Variants in TNR observed in about 807,000 individuals in gnomAD.
TNR encodes tenascin R.
Under a neutral mutation model 150.4 loss-of-function variants are expected in TNR, and 45 were observed. The observed-to-expected ratio is 0.30, with a 90% CI of 0.24 to 0.38. The LOEUF (loss-of-function observed/expected upper bound fraction) is 0.38, where lower values mean the gene tolerates loss of function less well. Among genes scored for constraint, TNR ranks in the 10% least tolerant of loss-of-function variants. The pLI, the probability that TNR is intolerant of heterozygous loss-of-function variation, is 1.00. For missense variants in TNR, 1,544 were observed against 1,759.1 expected (o/e 0.88, Z 2.19); for synonymous variants, 687 against 678.4 (o/e 1.01, Z -0.20).
At chr1:175,660,656 C>T (rs1368332683) in intron 1 of TNR, among the ~76,000 whole-genome samples, 1 of 152,202 alleles carries the variant, frequency 6.6e-6, no homozygotes, top group Non-Finnish European at 1.5e-5. Context: ...CCAGAATTAT[C>T]ACAGACATTG....
chr1:175,325,193 TA>T (rs1649300434), intron 21 of TNR, among the ~76,000 whole-genome samples: 2 of 152,182 alleles, frequency 1.3e-5, no homozygotes, highest in South Asian at 4.2e-4. Context: ...AAAAATTAAA[TA>T]AATTCTGTGG....
chr1:175,524,865 G>T (rs1000353388), intron 2 of TNR, among the ~76,000 whole-genome samples: 1 of 152,196 alleles, frequency 6.6e-6, no homozygotes. Context: ...CTTAATGAAA[G>T]CCTTGTCACA....
Position 175,396,064 on chromosome 1 carries a change from C to T in TNR, c.1240+480G>A, listed in dbSNP as rs550325975. Among the ~76,000 whole-genome samples the T allele has an allele frequency of 5.3e-5, 8 of 152,312 alleles. No homozygotes were observed. The South Asian group carries it at 1.7e-3, about 32-fold the overall frequency. On this transcript the variant is annotated intron_variant, in intron 5 of 22. Coordinates refer to ENST00000367674, the MANE Select transcript of TNR (RefSeq NM_003285.3). ...AAAGACCAGGAGGAAATTATGCCACCTCTCTATCAGGAGAAGGGGATGTTG... is the reference window on the plus strand; with the variant it reads ...AAAGACCAGGAGGAAATTATGCCACTTCTCTATCAGGAGAAGGGGATGTTG...
At chr1:175,375,563 T>A (rs138709619) in intron 9 of TNR, among the ~76,000 whole-genome samples, 2 of 151,630 alleles carry the variant, frequency 1.3e-5, no homozygotes, top group African/African-American at 4.9e-5. Flanking sequence ...CAAGAGGGGG[T>A]ACTTGCTGCC....
chr1:175,593,599 C>G (rs966122296), intron 1 of TNR, among the ~76,000 whole-genome samples: 1 of 152,154 alleles, frequency 6.6e-6, no homozygotes, highest in East Asian at 1.9e-4. Flanking sequence ...GCTCTCGATT[C>G]CCTCATCACT....
intron 1 of TNR, among the ~76,000 whole-genome samples, chr1:175,578,200 G>T (rs547266194): frequency 1.3e-5 from 2 of 152,234 alleles, no homozygotes; most frequent in African/African-American, 4.8e-5. Context: ...GTGGACGTGG[G>T]TGTGAGGTGG....
At chr1:175,726,550 C>T (rs922154583) in intron 1 of TNR, among the ~76,000 whole-genome samples, 1 of 152,228 alleles carries the variant, frequency 6.6e-6, no homozygotes, top group Non-Finnish European at 1.5e-5. Flanking sequence ...CAAAACTACC[C>T]TCCTTGTCTG....
chr1:175,383,590 G>A (rs1398464494), intron 8 of TNR, among the ~76,000 whole-genome samples: 2 of 152,206 alleles, frequency 1.3e-5, no homozygotes, highest in African/African-American at 4.8e-5. Context: ...ACAGCTCTAA[G>A]ACCCAAGCAA....
intron 14 of TNR, 123 bp downstream of exon 14, chr1:175,362,540 A>T: frequency 1.6e-6 from 2 of 1,215,486 alleles, no homozygotes; most frequent in Non-Finnish European, 2.3e-6. Flanking sequence ...TGCAAGACAC[A>T]GTGAGTTGGA....
At chr1:175,656,001 G>T (rs1431258450) in intron 1 of TNR, among the ~76,000 whole-genome samples, 1 of 151,958 alleles carries the variant, frequency 6.6e-6, no homozygotes, top group Non-Finnish European at 1.5e-5. Flanking sequence ...TCCAGCCAGG[G>T]CTCTGTTCAC....
At chr1:175,637,857 T>C (rs1664534752) in intron 1 of TNR, among the ~76,000 whole-genome samples, 1 of 152,204 alleles carries the variant, frequency 6.6e-6, no homozygotes, top group African/African-American at 2.4e-5. Context: ...TCTGTACATG[T>C]GGCCTCATGA....
At chr1:175,605,169 A>G (rs1663369506) in intron 1 of TNR, among the ~76,000 whole-genome samples, 1 of 152,260 alleles carries the variant, frequency 6.6e-6, no homozygotes, top group African/African-American at 2.4e-5. Context: ...TTGTCAATCC[A>G]ATAAAAACCA....
intron 9 of TNR, among the ~76,000 whole-genome samples, chr1:175,374,706 A>G (rs1652291818): frequency 6.6e-6 from 1 of 152,176 alleles, no homozygotes; most frequent in South Asian, 2.1e-4. Flanking sequence ...GGAGATAGAG[A>G]TAGTCCTGGT....
intron 6 of TNR, among the ~76,000 whole-genome samples, chr1:175,391,750 TG>T (rs1447600667): frequency 6.6e-6 from 1 of 152,248 alleles, no homozygotes. Context: ...GATTGGCTCT[TG>T]CCAAAGATCA....
chr1:175,604,514 T>C (rs1663351961), intron 1 of TNR, among the ~76,000 whole-genome samples: 1 of 152,114 alleles, frequency 6.6e-6, no homozygotes, highest in African/African-American at 2.4e-5. Context: ...CTGGGCAGCA[T>C]AAAGAAAAGC....
chr1:175,347,069 C>T (rs1049165649), intron 18 of TNR, among the ~76,000 whole-genome samples: 8 of 151,942 alleles, frequency 5.3e-5, no homozygotes, highest in Admixed American at 2.0e-4. Flanking sequence ...AAAGTCTAAA[C>T]GGATGGTAGC....
At chr1:175,385,830 C>T (rs955187558) in intron 8 of TNR, among the ~76,000 whole-genome samples, 2 of 152,162 alleles carry the variant, frequency 1.3e-5, no homozygotes, top group Admixed American at 1.3e-4. Flanking sequence ...GGATGAGAAG[C>T]TAGTTTTCCT....
chr1:175,557,581 C>A (rs1571604158), intron 1 of TNR, among the ~76,000 whole-genome samples: 1 of 152,100 alleles, frequency 6.6e-6, no homozygotes, highest in African/African-American at 2.4e-5. Context: ...ATAGCCATCT[C>A]ACACCAGTTA....
At chr1:175,585,040 T>C (rs1204479737) in intron 1 of TNR, among the ~76,000 whole-genome samples, 1 of 152,234 alleles carries the variant, frequency 6.6e-6, no homozygotes, top group African/African-American at 2.4e-5. Flanking sequence ...ACGTTGTTAA[T>C]AGCAAATACA....
Sources: gnomAD v4.1 joint callset for allele counts (sites outside exome capture counted in the v4.1 genomes callset) on GRCh38, gnomAD v4.1.1 for gene constraint, MANE v1.5 for transcripts, NCBI Gene and HGNC (gene_info 2026-07-23, HGNC 2026-07-21) for gene names.